The following SYN2 variants were observed in gnomAD, a reference collection of about 807,000 sequenced individuals.
SYN2 encodes synapsin-2.
SYN2 carries 19 observed loss-of-function variants against 50.9 expected under a neutral mutation model. The observed-to-expected ratio is 0.37, with a 90% CI of 0.26 to 0.55. The LOEUF (loss-of-function observed/expected upper bound fraction) is 0.55. Among genes scored for constraint, SYN2 ranks in the 20% least tolerant of loss-of-function variants. SYN2 has a pLI of 0.81. For synonymous variants in SYN2, 255 were observed against 224.9 expected (o/e 1.13, Z -1.20); for missense variants, 587 against 576.4 (o/e 1.02, Z -0.19).
chr3:12,046,902 G>T (rs538517228), intron 1 of SYN2, among the ~76,000 whole-genome samples: 2 of 152,220 alleles, frequency 1.3e-5, no homozygotes, highest in East Asian at 3.9e-4. Context: ...CAGATTTTAG[G>T]GGGAGATGAT....
chr3:12,148,066 A>G (rs1697193322), intron 4 of SYN2, among the ~76,000 whole-genome samples: 1 of 152,070 alleles, frequency 6.6e-6, no homozygotes, highest in Admixed American at 6.5e-5. Context: ...ATGAGCCAAG[A>G]TCGCACCACT....
At chr3:12,138,818 A>G (rs1696955754) in intron 1 of SYN2, among the ~76,000 whole-genome samples, 1 of 152,244 alleles carries the variant, frequency 6.6e-6, no homozygotes, top group African/African-American at 2.4e-5. Context: ...CAAGGTAGAC[A>G]TACCTCACCA....
chr3:12,012,059 G>A (rs1045248873), intron 1 of SYN2, among the ~76,000 whole-genome samples: 3 of 152,084 alleles, frequency 2.0e-5, no homozygotes, highest in Non-Finnish European at 4.4e-5. Flanking sequence ...CTTCTGGGAT[G>A]AGGAATCTTC....
At chr3:12,090,531 C>A (rs887403374) in intron 1 of SYN2, among the ~76,000 whole-genome samples, 6 of 152,176 alleles carry the variant, frequency 3.9e-5, no homozygotes, top group African/African-American at 1.4e-4. Flanking sequence ...GAGTTCACTC[C>A]TCTGTGCTTC....
chr3:12,167,907 A>G (rs1697841713), intron 8 of SYN2, among the ~76,000 whole-genome samples: 1 of 152,194 alleles, frequency 6.6e-6, no homozygotes, highest in Non-Finnish European at 1.5e-5. Flanking sequence ...GAACTGAAGC[A>G]AAGGTCACCC....
chr3:12,082,501 C>G (rs750570082), intron 1 of SYN2, among the ~76,000 whole-genome samples: 26 of 152,220 alleles, frequency 1.7e-4, no homozygotes, highest in Non-Finnish European at 3.4e-4. Context: ...GGATAGCAGT[C>G]TAAAGCTTGC....
intron 1 of SYN2, among the ~76,000 whole-genome samples, chr3:12,120,461 C>T (rs1696530491): frequency 6.6e-6 from 1 of 152,122 alleles, no homozygotes; most frequent in Non-Finnish European, 1.5e-5. Flanking sequence ...TTGCCTTAGC[C>T]TTTGTTCTGT....
At chr3:12,095,887 A>T (rs1695922204) in intron 1 of SYN2, among the ~76,000 whole-genome samples, 1 of 152,048 alleles carries the variant, frequency 6.6e-6, no homozygotes, top group Non-Finnish European at 1.5e-5. Flanking sequence ...CTCCAGTAAG[A>T]CCTATCCTTG....
At chr3:12,158,385 T>C (rs1697522434) in intron 5 of SYN2, among the ~76,000 whole-genome samples, 2 of 152,176 alleles carry the variant, frequency 1.3e-5, no homozygotes, top group South Asian at 4.1e-4. Flanking sequence ...GTCCCCAGTC[T>C]AGTAGTTCAG....
At chr3:12,125,672 T>TAGTATA (rs1696653269) in intron 1 of SYN2, among the ~76,000 whole-genome samples, 1 of 151,732 alleles carries the variant, frequency 6.6e-6, no homozygotes, top group Admixed American at 6.6e-5. Flanking sequence ...AGAATAGGGG[T>TAGTATA]AGTATAGCCT....
At chr3:12,132,951 CT>C in intron 1 of SYN2, among the ~76,000 whole-genome samples, 1 of 152,286 alleles carries the variant, frequency 6.6e-6, no homozygotes, top group East Asian at 1.9e-4. Context: ...ATTATTTCCC[CT>C]GAATGTGTTT....
intron 1 of SYN2, among the ~76,000 whole-genome samples, chr3:12,051,826 G>T (rs1694870931): frequency 6.6e-6 from 1 of 152,192 alleles, no homozygotes; most frequent in Non-Finnish European, 1.5e-5. Flanking sequence ...TATGCCTGAG[G>T]TGTTAGGATC....
At chr3:12,185,337 G>C in intron 11 of SYN2, 1 of 985,682 alleles carries the variant, frequency 1.0e-6, no homozygotes, top group East Asian at 1.1e-4. Context: ...GTGTACATCT[G>C]GTGCTTTTCA....
intron 1 of SYN2, among the ~76,000 whole-genome samples, chr3:12,069,482 C>T (rs1020669734): frequency 6.6e-5 from 10 of 151,954 alleles, no homozygotes; most frequent in African/African-American, 1.9e-4. Context: ...TTACTGACCT[C>T]GTGATCTGCC....
chr3:12,155,840 G>A (rs1345112971), intron 5 of SYN2, among the ~76,000 whole-genome samples: 3 of 152,168 alleles, frequency 2.0e-5, no homozygotes, highest in African/African-American at 7.2e-5. Flanking sequence ...AAGGAGGTGC[G>A]ATAATAGAGT....
At chr3:12,056,774 A>G (rs2125159182) in intron 1 of SYN2, among the ~76,000 whole-genome samples, 1 of 152,334 alleles carries the variant, frequency 6.6e-6, no homozygotes, top group Non-Finnish European at 1.5e-5. Context: ...GTTGGCAAAT[A>G]GAAGTGTGGG....
chr3:12,043,279 A>G (rs1365395498), intron 1 of SYN2, among the ~76,000 whole-genome samples: 1 of 152,084 alleles, frequency 6.6e-6, no homozygotes, highest in Non-Finnish European at 1.5e-5. Flanking sequence ...CTGGAAAACA[A>G]ACCTCTCAAA....
intron 1 of SYN2, among the ~76,000 whole-genome samples, chr3:12,053,759 T>G (rs1694924217): frequency 6.6e-6 from 1 of 152,166 alleles, no homozygotes; most frequent in Admixed American, 6.5e-5. Flanking sequence ...AAACCTCAAT[T>G]AAAATTTTTG....
At chr3:12,093,450 G>A (rs928301869) in intron 1 of SYN2, among the ~76,000 whole-genome samples, 3 of 152,154 alleles carry the variant, frequency 2.0e-5, no homozygotes, top group Non-Finnish European at 2.9e-5. Context: ...AGTTATTTTT[G>A]TCTCCTGTGG....
Sources: gnomAD v4.1 joint callset for allele counts (sites outside exome capture counted in the v4.1 genomes callset) on GRCh38, gnomAD v4.1.1 for gene constraint, MANE v1.5 for transcripts, NCBI Gene and HGNC (gene_info 2026-07-23, HGNC 2026-07-21) for gene names.